FER1L6: variants seen among roughly 807,000 people sequenced by gnomAD.
FER1L6 encodes the protein fer-1-like protein 6.
Under a neutral mutation model 219.2 loss-of-function variants are expected in FER1L6, and 177 were observed. The ratio of observed to expected loss-of-function variants is 0.81; its 90% CI spans 0.71 to 0.91. The LOEUF is 0.91. FER1L6 is among the 40% of genes least tolerant of loss of function. The pLI, the probability that FER1L6 is intolerant of heterozygous loss-of-function variation, is 0.00. For missense variants in FER1L6, 2,153 were observed against 2,259.9 expected (o/e 0.95, Z 0.96); for synonymous variants, 768 against 824.3 (o/e 0.93, Z 1.17).
chr8:124,009,025 T>TA (rs547666954), intron 13 of FER1L6, among the ~76,000 whole-genome samples: 83 of 151,652 alleles, frequency 5.5e-4, no homozygotes, highest in African/African-American at 1.8e-3. Context: ...ATCAAAAAAA[T>TA]AAAAAAAATA....
intron 1 of FER1L6, among the ~76,000 whole-genome samples, chr8:123,935,165 A>G (rs574837962): frequency 3.9e-5 from 6 of 152,306 alleles, no homozygotes; most frequent in African/African-American, 1.2e-4. Context: ...GTAAAAAAAT[A>G]TATTTCTCCT....
At chr8:124,095,697 G>T (rs1237700761) in intron 35 of FER1L6, among the ~76,000 whole-genome samples, 1 of 152,146 alleles carries the variant, frequency 6.6e-6, no homozygotes, top group Middle Eastern at 3.2e-3. Flanking sequence ...GGCCATTTGG[G>T]AGTGAACGCG....
At chr8:124,014,238 A>C (rs1379985763) in intron 15 of FER1L6, 1 of 152,722 alleles carries the variant, frequency 6.5e-6, no homozygotes, top group African/African-American at 2.4e-5. Context: ...GAGGGACAGT[A>C]AATCACTAGG....
intron 20 of FER1L6, among the ~76,000 whole-genome samples, chr8:124,043,736 T>G (rs1404684901): frequency 6.6e-6 from 1 of 152,196 alleles, no homozygotes; most frequent in Non-Finnish European, 1.5e-5. Flanking sequence ...GAGAAAGCAG[T>G]CTGTTGTCTT....
chr8:123,899,313 T>C (rs1313031122), intron 1 of FER1L6, among the ~76,000 whole-genome samples: 3 of 152,110 alleles, frequency 2.0e-5, no homozygotes, highest in Non-Finnish European at 2.9e-5. Flanking sequence ...TTTTTGAGAA[T>C]TGTCTATTCA....
chr8:124,003,382 T>G, intron 13 of FER1L6, 35 bp downstream of exon 13: 1 of 1,539,568 alleles, frequency 6.5e-7, no homozygotes, highest in Non-Finnish European at 8.8e-7. Flanking sequence ...AGTCAAGGAT[T>G]TTGCTGGTGG....
chr8:124,088,871 G>C (rs1480300931), intron 33 of FER1L6, among the ~76,000 whole-genome samples: 3 of 151,976 alleles, frequency 2.0e-5, no homozygotes, highest in African/African-American at 7.3e-5. Context: ...TGGTATTCAA[G>C]GTGCAAGACA....
chr8:123,978,830 C>T (rs1429951802), intron 10 of FER1L6, among the ~76,000 whole-genome samples: 3 of 152,084 alleles, frequency 2.0e-5, no homozygotes, highest in Non-Finnish European at 2.9e-5. Context: ...TAAATAAATA[C>T]CTTTGTCTAA....
At chr8:123,904,466 A>G (rs963432599) in intron 1 of FER1L6, among the ~76,000 whole-genome samples, 5 of 152,170 alleles carry the variant, frequency 3.3e-5, no homozygotes, top group African/African-American at 1.2e-4. Flanking sequence ...GCAACTACTT[A>G]TGAGAGCCAT....
intron 39 of FER1L6, among the ~76,000 whole-genome samples, chr8:124,115,356 G>T (rs770666307): frequency 1.3e-5 from 2 of 151,974 alleles, no homozygotes; most frequent in Admixed American, 1.3e-4. Flanking sequence ...CCAGAGCAGC[G>T]GCATTTATCG....
In FER1L6 at chr8:123,925,035, T is replaced by C. The variant is rs551970857; in HGVS notation, c.-7-30957T>C. 5.9e-5 allele frequency among the ~76,000 whole-genome samples: 9 copies of C among 152,390 alleles called. No individual in the cohort carries two copies. The South Asian group carries it at 1.9e-3, about 32-fold the overall frequency. On this transcript the variant is annotated intron_variant, in intron 1 of 40. Transcript: ENST00000522917. The stretch of plus-strand genomic sequence containing the variant: ...TTCAATTTCCTAGAAGTGAAATCTC[T>C]AAATTTTTGATTGCCCATCTGATTA...
chr8:123,869,470 C>T (rs1023613869), intron 1 of FER1L6, among the ~76,000 whole-genome samples: 8 of 152,120 alleles, frequency 5.3e-5, no homozygotes, highest in Admixed American at 3.9e-4. Context: ...CTGTCAAATC[C>T]ATTTCATCCT....
chr8:123,852,139 T>A lies in FER1L6; in HGVS notation c.-54T>A, dbSNP rs566387847. On this transcript the variant is annotated 5_prime_UTR_variant, in exon 1 of 41. Transcript: ENST00000522917. This position sits in a 1 kb window ranked among gnomAD's most constrained non-coding sequence, Gnocchi z 4.9. ...ATTTGCTGTGAAGTGAGTCCCTTGA[T>A]CAGAGCAATGCTGTGTGGACCATCG... The A allele has an allele frequency of 2.6e-5, 4 of 152,368 alleles. No homozygotes were observed. The South Asian group carries it at 8.3e-4, about 32-fold the overall frequency. The allele number at this position is 152,368 out of a possible 1,614,324, so 9.4% of individuals were successfully genotyped here.
chr8:124,082,006 C>T (rs958847706), intron 32 of FER1L6, among the ~76,000 whole-genome samples: 1 of 152,128 alleles, frequency 6.6e-6, no homozygotes, highest in African/African-American at 2.4e-5. Context: ...AACCAAAATC[C>T]AAAGTTTTTC....
intron 1 of FER1L6, among the ~76,000 whole-genome samples, chr8:123,868,447 A>G (rs1041241882): frequency 6.6e-6 from 1 of 152,168 alleles, no homozygotes; most frequent in African/African-American, 2.4e-5. Flanking sequence ...GAGCTCTTTC[A>G]TTTCCCACTA....
intron 32 of FER1L6, among the ~76,000 whole-genome samples, chr8:124,079,569 A>G (rs1369261515): frequency 1.3e-5 from 2 of 152,198 alleles, no homozygotes; most frequent in African/African-American, 4.8e-5. Context: ...AGTAGATTGC[A>G]AATGTTTTTT....
At chr8:123,980,000 T>C (rs1035626240) in intron 10 of FER1L6, among the ~76,000 whole-genome samples, 1 of 152,228 alleles carries the variant, frequency 6.6e-6, no homozygotes, top group Non-Finnish European at 1.5e-5. Context: ...CTCTCTTCTC[T>C]GCCTGCCTAA....
At chr8:123,908,962 C>T (rs12548182) in intron 1 of FER1L6, among the ~76,000 whole-genome samples, 47,752 of 151,972 alleles carry the variant, frequency 0.31, 8,256 homozygotes, top group Middle Eastern at 0.41. Flanking sequence ...GCTAGCTGAA[C>T]GTAAGACAAT....
chr8:123,892,303 T>C (rs1812663359), intron 1 of FER1L6, among the ~76,000 whole-genome samples: 1 of 152,154 alleles, frequency 6.6e-6, no homozygotes, highest in Non-Finnish European at 1.5e-5. Context: ...ATTTTTTTTT[T>C]CTTTTTGAGA....
Sources: allele counts gnomAD v4.1 joint callset (sites outside exome capture counted in the v4.1 genomes callset), GRCh38; gene constraint gnomAD v4.1.1; non-coding constraint Gnocchi (gnomAD v3.1); transcripts MANE v1.5; gene names NCBI Gene and HGNC (gene_info 2026-07-23, HGNC 2026-07-21).